The following ATP8B1 variants were observed in gnomAD, a reference collection of about 807,000 sequenced individuals.
ATP8B1 encodes the protein phospholipid-transporting ATPase IC.
Under a neutral mutation model 149.9 loss-of-function variants are expected in ATP8B1, and 80 were observed. The observed-to-expected ratio is 0.53, with a 90% confidence interval of 0.45 to 0.64. ATP8B1 has a LOEUF of 0.64. ATP8B1 is among the 30% of genes least tolerant of loss of function. The pLI is 0.00. For missense variants in ATP8B1, 1,247 were observed against 1,552.6 expected (o/e 0.80, Z 3.31); for synonymous variants, 536 against 562.8 (o/e 0.95, Z 0.67).
chr18:57,798,421 AAATAG>A (rs2080539585), intron 1 of ATP8B1, among the ~76,000 whole-genome samples: 1 of 151,316 alleles, frequency 6.6e-6, no homozygotes, highest in Non-Finnish European at 1.5e-5. Flanking sequence ...ACAAAAAAAA[AAATAG>A]AAAAAAGAAA....
intron 2 of ATP8B1, among the ~76,000 whole-genome samples, chr18:57,711,849 C>T (rs1198700663): frequency 6.6e-6 from 1 of 152,144 alleles, no homozygotes; most frequent in Non-Finnish European, 1.5e-5. Context: ...CTTGGCCTCC[C>T]AGAGTGCCGG....
At chr18:57,685,186 G>C (rs531746433) in intron 13 of ATP8B1, 71 bp from the exon 14 acceptor site, 1 of 1,534,106 alleles carries the variant, frequency 6.5e-7, no homozygotes, top group Non-Finnish European at 9.0e-7. Context: ...ACCTGGCTTT[G>C]CTTATATAGT....
chr18:57,737,106 A>C (rs914651967), intron 1 of ATP8B1: 1 of 151,936 alleles, frequency 6.6e-6, no homozygotes, highest in African/African-American at 2.4e-5. Flanking sequence ...AAGCCACTAC[A>C]TCTGACTAAT....
At chr18:57,789,740 G>T (rs897896217) in intron 1 of ATP8B1, among the ~76,000 whole-genome samples, 1 of 152,160 alleles carries the variant, frequency 6.6e-6, no homozygotes, top group Non-Finnish European at 1.5e-5. Flanking sequence ...CATAAAGCAC[G>T]GCTTGTGACT....
rs185371697 is a variant in ATP8B1 at position 57,688,578 on chromosome 18, C to T, written c.1221-71G>A. On this transcript the variant is annotated intron_variant, in intron 12 of 27. Transcript: ENST00000648908. ...TGGCAAGTAGTAGAGATTTTATTCT[C>T]ATTGTACAGACGAGAGCAAGCTGCT... 127 of 1,483,288 alleles carry T rather than the reference C, an allele frequency of 8.6e-5. No homozygotes were observed. In the African/African-American group the frequency reaches 1.5e-3, roughly 18 times the overall value. 91.9% of individuals were successfully genotyped at this position (1,483,288 alleles called of 1,614,324 possible).
At chr18:57,791,570 C>G (rs1337674247) in intron 1 of ATP8B1, among the ~76,000 whole-genome samples, 1 of 152,016 alleles carries the variant, frequency 6.6e-6, no homozygotes, top group African/African-American at 2.4e-5. Context: ...TCTTGAACTT[C>G]CGGCCTCAAG....
chr18:57,671,760 C>T (rs1185901895), intron 16 of ATP8B1, among the ~76,000 whole-genome samples, 180 bp from the exon 17 acceptor site: 1 of 151,860 alleles, frequency 6.6e-6, no homozygotes, highest in Non-Finnish European at 1.5e-5. Context: ...GTAGCTGGGA[C>T]TACAGGTGCA....
At chr18:57,798,497 G>A (rs2080540667) in intron 1 of ATP8B1, among the ~76,000 whole-genome samples, 1 of 152,132 alleles carries the variant, frequency 6.6e-6, no homozygotes, top group South Asian at 2.1e-4. Flanking sequence ...TTGAGAGCCT[G>A]AGGTGGGAGA....
chr18:57,732,321 G>A (rs1157363064), intron 1 of ATP8B1, among the ~76,000 whole-genome samples: 8 of 10,898 alleles, frequency 7.3e-4, no homozygotes, highest in Admixed American at 1.5e-3. Flanking sequence ...GTGTATATAT[G>A]TGTATATATG....
intron 6 of ATP8B1, among the ~76,000 whole-genome samples, chr18:57,698,547 C>A (rs1390557899): frequency 6.6e-6 from 1 of 152,128 alleles, no homozygotes; most frequent in Non-Finnish European, 1.5e-5. Flanking sequence ...ATTGGCCAGG[C>A]TGGTCTCGAA....
chr18:57,758,346 A>C (rs1447477560), intron 1 of ATP8B1, among the ~76,000 whole-genome samples: 2 of 152,090 alleles, frequency 1.3e-5, no homozygotes, highest in African/African-American at 4.8e-5. Context: ...TGTTTTACAA[A>C]GATAAGAAGA....
chr18:57,686,111 A>T (rs979237241), intron 13 of ATP8B1, among the ~76,000 whole-genome samples: 2 of 151,390 alleles, frequency 1.3e-5, no homozygotes, highest in Non-Finnish European at 2.9e-5. Context: ...CAACAACAAA[A>T]ATTAGCCAGG....
rs145320876 is a variant in ATP8B1 at position 57,703,836 on chromosome 18, T to C, written c.393+719A>G. ...TTCACAAAAATAACTTACTGAAATT[T>C]ATGACCAAAATTTTAATAAAAAATC... On this transcript the variant is annotated intron_variant, in intron 4 of 27. Coordinates refer to ENST00000648908, the MANE Select transcript of ATP8B1 (RefSeq NM_001374385.1). Among the ~76,000 whole-genome samples the C allele has an allele frequency of 2.6e-5, 4 of 152,312 alleles. No individual in the cohort carries two copies. In the East Asian group the frequency reaches 7.7e-4, roughly 29 times the overall value.
intron 15 of ATP8B1, among the ~76,000 whole-genome samples, chr18:57,682,591 T>G (rs1045626723): frequency 6.6e-6 from 1 of 152,214 alleles, no homozygotes; most frequent in African/African-American, 2.4e-5. Flanking sequence ...TATCATACTT[T>G]ATGCTTATTG....
At chr18:57,791,757 G>A (rs2080467086) in intron 1 of ATP8B1, among the ~76,000 whole-genome samples, 1 of 152,186 alleles carries the variant, frequency 6.6e-6, no homozygotes, top group Non-Finnish European at 1.5e-5. Flanking sequence ...CCATTTTAAA[G>A]TAGGTCTTCA....
chr18:57,750,658 TCA>T (rs747262716), intron 1 of ATP8B1, among the ~76,000 whole-genome samples: 6 of 152,238 alleles, frequency 3.9e-5, no homozygotes, highest in Non-Finnish European at 5.9e-5. Flanking sequence ...CTACCCATCC[TCA>T]GAGTCCAACC....
chr18:57,767,746 G>T (rs1248430479), intron 1 of ATP8B1, among the ~76,000 whole-genome samples: 1 of 151,462 alleles, frequency 6.6e-6, no homozygotes, highest in East Asian at 1.9e-4. Context: ...CCAAGATCGT[G>T]CCATTGCACT....
chr18:57,671,782 C>G (rs957135246), intron 16 of ATP8B1, among the ~76,000 whole-genome samples: 1 of 152,032 alleles, frequency 6.6e-6, no homozygotes, highest in Non-Finnish European at 1.5e-5. Flanking sequence ...GCCACCATGC[C>G]TGGCTAATTT....
chr18:57,731,642 C>T lies in ATP8B1; in HGVS notation c.166G>A (p.Glu56Lys), dbSNP rs1173790563. 1.9e-6 allele frequency: 3 copies of T among 1,614,022 alleles called. No individual in the cohort carries two copies. Among genetic ancestry groups the T allele is most frequent in the African/African-American group, 1.3e-5 (1 of 74,994 alleles). The change falls in exon 2 of 28, where the codon GAG becomes AAG. Residue 56 changes from glutamate (E) to lysine (K), a missense_variant. Transcript: ENST00000648908. ...ATGTGGTTACCTTTTCTGAATGGCT[C>T]CCGGTTCTCCTCTGCTTCCCTGTTG... ...RVNREAEENR[E>K]PFRKECTWQV...
Sources: allele counts gnomAD v4.1 joint callset (sites outside exome capture counted in the v4.1 genomes callset), GRCh38; gene constraint gnomAD v4.1.1; transcripts MANE v1.5; gene names NCBI Gene and HGNC (gene_info 2026-07-23, HGNC 2026-07-21).